Variants in ANK2 observed in about 807,000 individuals in gnomAD.
ANK2 encodes the protein ankyrin-2.
ANK2 carries 83 observed loss-of-function variants against 360.5 expected under a neutral mutation model. That is an observed-to-expected ratio of 0.23 (90% CI 0.19 to 0.28). The LOEUF (loss-of-function observed/expected upper bound fraction) is 0.28. Among genes scored for constraint, ANK2 ranks in the 10% least tolerant of loss-of-function variants. The pLI is 1.00. For missense variants in ANK2, 4,201 were observed against 4,795.7 expected (o/e 0.88, Z 3.66); for synonymous variants, 1,740 against 1,759.5 (o/e 0.99, Z 0.28).
intron 37 of ANK2, among the ~76,000 whole-genome samples, chr4:113,351,093 G>C (rs1588842597): frequency 6.6e-6 from 1 of 152,198 alleles, no homozygotes; most frequent in South Asian, 2.1e-4. Flanking sequence ...CTGGCTTCTT[G>C]TGTGGAAACT....
chr4:113,367,916 CATATAT>C (rs2096593295), intron 42 of ANK2, 65 bp downstream of exon 42: 2 of 1,563,930 alleles, frequency 1.3e-6, no homozygotes, highest in Admixed American at 3.3e-5. Context: ...GGATGCCAGG[CATATAT>C]AAGCATAACT....
At chr4:112,706,114 G>A in the ANK2 span, among the ~76,000 whole-genome samples, 3 of 151,450 alleles carry the variant, frequency 2.0e-5, no homozygotes, top group Admixed American at 2.0e-4. Flanking sequence ...ACCCGGGCGT[G>A]ACAGGAGGAA....
At chr4:113,025,489 C>A (rs979876505) in intron 2 of ANK2, among the ~76,000 whole-genome samples, 1 of 152,154 alleles carries the variant, frequency 6.6e-6, no homozygotes, top group African/African-American at 2.4e-5. Flanking sequence ...TCTCTTTGTG[C>A]CTTATGGATA....
intron 45 of ANK2, among the ~76,000 whole-genome samples, chr4:113,376,799 A>T (rs2096953215): frequency 8.5e-6 from 1 of 117,862 alleles, no homozygotes; most frequent in Admixed American, 1.2e-4. Context: ...TTTACTTTTT[A>T]AGGTTTTTTT....
intron 1 of ANK2, among the ~76,000 whole-genome samples, chr4:113,125,569 G>A (rs1459722319): frequency 1.3e-5 from 2 of 151,984 alleles, no homozygotes; most frequent in African/African-American, 4.8e-5. Flanking sequence ...TACAACCTTG[G>A]GTAAACAAAT....
intron 41 of ANK2, among the ~76,000 whole-genome samples, chr4:113,366,342 G>A (rs1225210407): frequency 1.4e-5 from 2 of 145,446 alleles, no homozygotes; most frequent in Non-Finnish European, 3.0e-5. Flanking sequence ...AGTGAAGCCT[G>A]CCTTCTTAAA....
intron 4 of ANK2, among the ~76,000 whole-genome samples, chr4:113,215,253 C>A (rs975924482): frequency 1.3e-5 from 2 of 152,180 alleles, no homozygotes; most frequent in South Asian, 4.1e-4. Context: ...ATTTGTGTGA[C>A]CTTGGGCTTA....
At chr4:112,885,703 A>G (rs1374861767) in intron 1 of ANK2, among the ~76,000 whole-genome samples, 2 of 137,670 alleles carry the variant, frequency 1.5e-5, no homozygotes, top group Non-Finnish European at 1.5e-5. Context: ...AGGCTGTGGG[A>G]GGAGAATGGC....
chr4:112,941,652 TAG>T (rs1358787267), intron 2 of ANK2, among the ~76,000 whole-genome samples: 6 of 144,796 alleles, frequency 4.1e-5, no homozygotes, highest in African/African-American at 1.2e-4. Context: ...TATAAATATA[TAG>T]ATATATATAA....
the ANK2 span, among the ~76,000 whole-genome samples, chr4:112,747,903 G>A: frequency 6.6e-6 from 1 of 152,006 alleles, no homozygotes; most frequent in Non-Finnish European, 1.5e-5. Flanking sequence ...TAGCAAAATG[G>A]GTTTATAGTT....
At chr4:112,985,072 T>G (rs1488903885) in intron 2 of ANK2, among the ~76,000 whole-genome samples, 1 of 152,248 alleles carries the variant, frequency 6.6e-6, no homozygotes, top group Middle Eastern at 3.2e-3. Flanking sequence ...TTAAAAATAA[T>G]GGTGATGTCA....
intron 1 of ANK2, among the ~76,000 whole-genome samples, chr4:113,077,762 A>G (rs576334022): frequency 6.6e-4 from 100 of 152,300 alleles, no homozygotes; most frequent in African/African-American, 2.4e-3. Context: ...ACTTTTTACA[A>G]CTGGCTACAG....
intron 4 of ANK2, chr4:113,217,166 T>G (rs2099094352): frequency 6.6e-6 from 1 of 152,184 alleles, no homozygotes; most frequent in Non-Finnish European, 1.5e-5. Flanking sequence ...TATGAAATCA[T>G]CATTCTAGAT....
intron 39 of ANK2, among the ~76,000 whole-genome samples, chr4:113,361,928 T>C (rs1444575549): frequency 1.3e-5 from 2 of 152,116 alleles, no homozygotes; most frequent in Non-Finnish European, 2.9e-5. Context: ...TAGAATGACA[T>C]AGAATGAAAA....
chr4:112,962,154 A>AG (rs370824421), intron 2 of ANK2, among the ~76,000 whole-genome samples: 2 of 152,246 alleles, frequency 1.3e-5, no homozygotes, highest in Non-Finnish European at 2.9e-5. Context: ...CTCAGCTGTG[A>AG]GGATAGTACT....
chr4:113,284,505 A>C (rs952636163), intron 18 of ANK2, among the ~76,000 whole-genome samples: 10 of 152,224 alleles, frequency 6.6e-5, no homozygotes, highest in Admixed American at 3.3e-4. Flanking sequence ...TACATATCTG[A>C]AATCAGTTCA....
At chr4:113,308,390 G>A (rs1449353072) in intron 23 of ANK2, among the ~76,000 whole-genome samples, 1 of 152,170 alleles carries the variant, frequency 6.6e-6, no homozygotes, top group African/African-American at 2.4e-5. Flanking sequence ...GAGAAGTCCA[G>A]AAGGCAATTG....
chr4:113,261,406 G>A (rs1172674828), intron 13 of ANK2, among the ~76,000 whole-genome samples: 1 of 152,066 alleles, frequency 6.6e-6, no homozygotes, highest in Non-Finnish European at 1.5e-5. Context: ...TAATGGTAAA[G>A]TTCACACATT....
At chr4:113,071,357 A>G (rs2077482067) in intron 1 of ANK2, among the ~76,000 whole-genome samples, 1 of 152,184 alleles carries the variant, frequency 6.6e-6, no homozygotes, top group Admixed American at 6.5e-5. Context: ...CCATGGTAAT[A>G]TTGTTAGAGA....
Sources: gnomAD v4.1 joint callset for allele counts (sites outside exome capture counted in the v4.1 genomes callset) on GRCh38, gnomAD v4.1.1 for gene constraint, MANE v1.5 for transcripts, NCBI Gene and HGNC (gene_info 2026-07-23, HGNC 2026-07-21) for gene names.